PROSER2: variants seen among roughly 807,000 people sequenced by gnomAD.
PROSER2 encodes proline and serine-rich protein 2.
In PROSER2, 18 loss-of-function variants were observed where a neutral mutation model predicts 14.6. That is an observed-to-expected ratio of 1.23 (90% confidence interval 0.85 to 1.83). PROSER2 has a LOEUF of 1.83. Among genes scored for constraint, PROSER2 ranks in the 40% most tolerant of loss-of-function variants. The pLI is 0.00. For synonymous variants in PROSER2, 367 were observed against 286.4 expected (o/e 1.28, Z -2.84); for missense variants, 823 against 629.8 (o/e 1.31, Z -3.28).
intron 1 of PROSER2, among the ~76,000 whole-genome samples, chr10:11,826,749 T>G (rs1833620018): frequency 1.3e-5 from 2 of 152,098 alleles, no homozygotes; most frequent in African/African-American, 2.4e-5. Flanking sequence ...CCGGGCTAAT[T>G]TTTTGTATTT....
At chr10:11,832,743 AT>A (rs1833704404) in intron 1 of PROSER2, among the ~76,000 whole-genome samples, 1 of 152,178 alleles carries the variant, frequency 6.6e-6, no homozygotes, top group Non-Finnish European at 1.5e-5. Flanking sequence ...AACCACACTG[AT>A]GTTAACATGT....
chr10:11,870,015 C>T lies in PROSER2; in HGVS notation c.917C>T (p.Ala306Val). The change falls in exon 4 of 4, where the codon GCC (alanine) becomes GTC (valine). Residue 306 changes from alanine to valine, a missense_variant. Coordinates refer to ENST00000277570, the MANE Select transcript of PROSER2 (RefSeq NM_153256.4). ...GCCGCGGGGGACGCCGGCGAGGGGG[C>T]CCCAGGGGGCGGCTCCTCCCCGGAG... ...FPAAGDAGEG[A>V]PGGGSSPERV... 1.7e-5 allele frequency: 21 copies of T among 1,243,780 alleles called. No homozygotes were observed. Among genetic ancestry groups the T allele is most frequent in the Non-Finnish European group, 2.1e-5 (21 of 994,780 alleles). The allele number at this position is 1,243,780 out of a possible 1,614,324, so 77.0% of individuals were successfully genotyped here. A position where few individuals can be genotyped will look rare whatever the true frequency, so the allele number is the denominator to read the frequency against.
intron 1 of PROSER2, among the ~76,000 whole-genome samples, chr10:11,827,148 A>C (rs996566907): frequency 6.7e-6 from 1 of 150,098 alleles, no homozygotes; most frequent in Non-Finnish European, 1.5e-5. Flanking sequence ...TGCCTTCCAA[A>C]GTGCTGGGAT....
At chr10:11,846,056 G>A (rs545732146) in intron 1 of PROSER2, among the ~76,000 whole-genome samples, 20 of 152,106 alleles carry the variant, frequency 1.3e-4, no homozygotes, top group East Asian at 3.9e-4. Flanking sequence ...GTGCGATCTC[G>A]GCTCACTGCA....
At position 11,836,008 on chromosome 10, in the gene PROSER2, A is replaced by G. The variant is rs1177236536; in HGVS notation, c.-82+12538A>G. Among the ~76,000 whole-genome samples, 3 of 152,016 alleles carry G rather than the reference A, an allele frequency of 2.0e-5. No individual in the cohort carries two copies. The highest frequency in any genetic ancestry group is 1.9e-4 in the East Asian group (1 of 5,176). On this transcript the variant is annotated intron_variant, in intron 1 of 3. Coordinates refer to ENST00000277570, the MANE Select transcript of PROSER2 (RefSeq NM_153256.4). The surrounding 1 kb of genome is among the most constrained non-coding windows in gnomAD (Gnocchi z 4.6). ...AAAAGGGCTTGGCTGTTAAGTCACC[A>G]TATAGGGATTTTGGGGGGATGTGGC...
Position 11,869,968 on chromosome 10 carries a change from C to T in PROSER2, c.870C>T (p.His290=), listed in dbSNP as rs765984086. 49 of 1,360,150 alleles carry T rather than the reference C, an allele frequency of 3.6e-5. No individual in the cohort carries two copies. The African/African-American group carries it at 4.8e-4, about 13-fold the overall frequency. The allele number at this position is 1,360,150 out of a possible 1,614,324, so 84.3% of individuals were successfully genotyped here. ...GGGCGCAGGTGTTGGCCACCATCCACGGCCACGCCGGCGCCTTCCCCGCCG... is the reference window on the plus strand; with the variant it reads ...GGGCGCAGGTGTTGGCCACCATCCATGGCCACGCCGGCGCCTTCCCCGCCG... ...ERRAQVLATI[H]GHAGAFPAAG... The change falls in exon 4 of 4, where the codon CAC becomes CAT. Residue 290 remains histidine (H), a synonymous_variant. Coordinates refer to ENST00000277570, the MANE Select transcript of PROSER2 (RefSeq NM_153256.4). The surrounding 1 kb of genome is among the most constrained non-coding windows in gnomAD (Gnocchi z 4.4).
At position 11,830,488 on chromosome 10, in the gene PROSER2, T is replaced by C. The variant is rs1833676293; in HGVS notation, c.-82+7018T>C. ...ACTGTGAACAGCGCCGCGGTAAAGA[T>C]GCAAGTGCAGGTGTCTTTTGATGTA... On this transcript the variant is annotated intron_variant, in intron 1 of 3. Transcript: ENST00000277570. This position sits in a 1 kb window ranked among gnomAD's most constrained non-coding sequence, Gnocchi z 4.5. Among the ~76,000 whole-genome samples the C allele has an allele frequency of 6.6e-6, 1 of 152,234 alleles. No individual in the cohort carries two copies. Among genetic ancestry groups the C allele is most frequent in the South Asian group, 2.1e-4 (1 of 4,826 alleles).
In PROSER2 at chr10:11,870,674, A is replaced by G; in HGVS notation, c.*268A>G. On this transcript the variant is annotated 3_prime_UTR_variant, in exon 4 of 4. Coordinates refer to ENST00000277570, the MANE Select transcript of PROSER2 (RefSeq NM_153256.4). The stretch of plus-strand genomic sequence containing the variant: ...TTTCCCAAGAACTGAGAGAGAGAGA[A>G]TAACCTGTTAGACCCATAGGTTTCC... 1 of 402,364 alleles carries G rather than the reference A, an allele frequency of 2.5e-6. No homozygotes were observed. Among genetic ancestry groups the G allele is most frequent in the Non-Finnish European group, 4.6e-6 (1 of 218,120 alleles). 24.9% of individuals were successfully genotyped at this position (402,364 alleles called of 1,614,324 possible).
At chr10:11,826,189 C>A (rs761303512) in intron 1 of PROSER2, among the ~76,000 whole-genome samples, 1 of 152,160 alleles carries the variant, frequency 6.6e-6, no homozygotes, top group Non-Finnish European at 1.5e-5. Context: ...CCGTCCGTGT[C>A]GCGGCGTGTA....
chr10:11,833,984 C>CTTTTT lies in PROSER2; in HGVS notation c.-82+10538_-82+10542dup, dbSNP rs35005102. ...GGGGTTCCCAAGTGAGTAGCTCTTTCTTTTTTTTTTTTTTTTTTTTTTTTT... is the reference window on the plus strand; with the variant it reads ...GGGGTTCCCAAGTGAGTAGCTCTTTCTTTTTTTTTTTTTTTTTTTTTTTTTTTTTT... On this transcript the variant is annotated intron_variant, in intron 1 of 3. Transcript: ENST00000277570. Among the ~76,000 whole-genome samples, 80 of 48,240 alleles carry CTTTTT rather than the reference C, an allele frequency of 1.7e-3. 4 individuals are homozygous for CTTTTT. Among genetic ancestry groups the CTTTTT allele is most frequent in the African/African-American group, 6.9e-3 (72 of 10,376 alleles). 31.6% of individuals were successfully genotyped at this position (48,240 alleles called of 152,430 possible).
chr10:11,831,179 C>T (rs1833684971), intron 1 of PROSER2, among the ~76,000 whole-genome samples: 1 of 152,124 alleles, frequency 6.6e-6, no homozygotes, highest in South Asian at 2.1e-4. Context: ...GCTTTCTTTT[C>T]ACTGGGAGCA....
At chr10:11,868,785 G>A (rs1419933440) in intron 3 of PROSER2, among the ~76,000 whole-genome samples, 1 of 152,064 alleles carries the variant, frequency 6.6e-6, no homozygotes, top group African/African-American at 2.4e-5. Context: ...AGAGTAGCTG[G>A]GACTATAGGC....
At chr10:11,835,120 A>G (rs966437290) in intron 1 of PROSER2, among the ~76,000 whole-genome samples, 5 of 151,824 alleles carry the variant, frequency 3.3e-5, no homozygotes, top group Non-Finnish European at 5.9e-5. Context: ...AAAAAAAAAA[A>G]AAAAGAAAAA....
intron 3 of PROSER2, among the ~76,000 whole-genome samples, chr10:11,868,863 C>T (rs1834404949): frequency 6.6e-6 from 1 of 152,164 alleles, no homozygotes; most frequent in Non-Finnish European, 1.5e-5. Flanking sequence ...GTTGGCCAGG[C>T]TGGTCTTGAA....
At position 11,836,234 on chromosome 10, in the gene PROSER2, T is replaced by C. The variant is rs1243185033; in HGVS notation, c.-82+12764T>C. Among the ~76,000 whole-genome samples, 1 of 152,080 alleles carries C rather than the reference T, an allele frequency of 6.6e-6. No individual in the cohort carries two copies. Among genetic ancestry groups the C allele is most frequent in the Non-Finnish European group, 1.5e-5 (1 of 67,998 alleles). On this transcript the variant is annotated intron_variant, in intron 1 of 3. Transcript: ENST00000277570. The surrounding 1 kb of genome is among the most constrained non-coding windows in gnomAD (Gnocchi z 4.6). ...TTTTTTGAGACAGAGTCTCACTCTG[T>C]TGGCCAGGCTGGTGTGCAGTGGTGT...
chr10:11,835,153 C>T (rs73584735), intron 1 of PROSER2, among the ~76,000 whole-genome samples: 16 of 151,090 alleles, frequency 1.1e-4, no homozygotes, highest in Admixed American at 3.3e-4. Context: ...TTAGTTATTG[C>T]AATATCTGGT....
rs1309879271 is a variant in PROSER2, at chr10:11,834,522, G to A, written c.-82+11052G>A. On this transcript the variant is annotated intron_variant, in intron 1 of 3. Coordinates refer to ENST00000277570, the MANE Select transcript of PROSER2 (RefSeq NM_153256.4). ...GGCCGAGGCTGGTGGATCATCTGAG[G>A]TCAGGAGTTCGAGACAAGCCTGGCC... 2.0e-5 allele frequency among the ~76,000 whole-genome samples: 3 copies of A among 151,864 alleles called. No individual in the cohort carries two copies. In the East Asian group the frequency reaches 5.9e-4, roughly 30 times the overall value.
rs1173444606 is a variant in PROSER2, at chr10:11,870,003, CCGGCGAGGGGGCCCCAGGGGG to C, written c.910_930del (p.Glu304_Gly310del). 1.9e-5 allele frequency: 24 copies of C among 1,253,504 alleles called. No individual in the cohort carries two copies. The highest frequency in any genetic ancestry group is 1.4e-4 in the East Asian group (4 of 29,496). The allele number at this position is 1,253,504 out of a possible 1,614,324, so 77.6% of individuals were successfully genotyped here. A position where few individuals can be genotyped will look rare whatever the true frequency, so the allele number is the denominator to read the frequency against. ...GGCGCCTTCCCCGCCGCGGGGGACG[CCGGCGAGGGGGCCCCAGGGGG>C]CGGCTCCTCCCCGGAGCGGGTGGCG... On this transcript the variant is annotated inframe_deletion, in exon 4 of 4. Transcript: ENST00000277570.
chr10:11,869,809 C>T lies in PROSER2; in HGVS notation c.711C>T (p.Asp237=), dbSNP rs1300861060. ...CCGCCCGGGGGCCCCGCAGTGGAGACCCTGGCCCGGGGCCCAGCCACCCGG... is the reference window on the plus strand; with the variant it reads ...CCGCCCGGGGGCCCCGCAGTGGAGATCCTGGCCCGGGGCCCAGCCACCCGG... ...TPAARGPRSG[D]PGPGPSHPAQ... The change falls in exon 4 of 4, where the codon GAC becomes GAT. Residue 237 remains aspartate (D), a synonymous_variant. Transcript: ENST00000277570. The surrounding 1 kb of genome is among the most constrained non-coding windows in gnomAD (Gnocchi z 4.4). 20 of 1,560,352 alleles carry T rather than the reference C, an allele frequency of 1.3e-5. No individual in the cohort carries two copies. The South Asian group carries it at 2.4e-4, about 19-fold the overall frequency.
Sources: allele counts gnomAD v4.1 joint callset (sites outside exome capture counted in the v4.1 genomes callset), GRCh38; gene constraint gnomAD v4.1.1; non-coding constraint Gnocchi (gnomAD v3.1); transcripts MANE v1.5; gene names NCBI Gene and HGNC (gene_info 2026-07-23, HGNC 2026-07-21).